EXT1: variants seen among roughly 807,000 people sequenced by gnomAD.
The protein encoded by EXT1 is exostosin glycosyltransferase 1, also known as exostosin-1.
EXT1 carries 20 observed loss-of-function variants against 82.5 expected under a neutral mutation model. That is an observed-to-expected ratio of 0.24 (90% CI 0.17 to 0.35). The LOEUF is 0.35. Among genes scored for constraint, EXT1 ranks in the 10% least tolerant of loss-of-function variants. The pLI, the probability that EXT1 is intolerant of heterozygous loss-of-function variation, is 1.00. For missense variants in EXT1, 757 were observed against 936.5 expected (o/e 0.81, Z 2.50); for synonymous variants, 348 against 350.8 (o/e 0.99, Z 0.09).
chr8:118,095,014 A>C (rs564037130), intron 1 of EXT1, among the ~76,000 whole-genome samples: 14 of 152,312 alleles, frequency 9.2e-5, no homozygotes, highest in African/African-American at 3.1e-4. Flanking sequence ...TACAACACAC[A>C]TGCAGACATA....
At chr8:117,961,712 G>T (rs1814703247) in intron 1 of EXT1, among the ~76,000 whole-genome samples, 1 of 152,170 alleles carries the variant, frequency 6.6e-6, no homozygotes, top group East Asian at 1.9e-4. Flanking sequence ...AATTGCTCTT[G>T]CACCCTAACG....
intron 1 of EXT1, among the ~76,000 whole-genome samples, chr8:118,033,803 A>G (rs1033632236): frequency 3.9e-5 from 6 of 152,228 alleles, no homozygotes; most frequent in Non-Finnish European, 8.8e-5. Flanking sequence ...TATTGAATGA[A>G]AAGTTTGGAT....
rs545673300 is a variant in EXT1 at position 117,822,386 on chromosome 8, G to A, written c.1417+79C>T. On this transcript the variant is annotated intron_variant, in intron 5 of 10. Coordinates refer to ENST00000378204, the MANE Select transcript of EXT1 (RefSeq NM_000127.3). ...AGGGTGTTAGATGGACCCCATTAGA[G>A]TAGAAGAATAAAGGCCTTTAGTTCT... The A allele has an allele frequency of 1.4e-5, 21 of 1,495,144 alleles. No homozygotes were observed. The East Asian group carries it at 2.9e-4, about 21-fold the overall frequency. 92.6% of individuals were successfully genotyped at this position (1,495,144 alleles called of 1,614,324 possible). A position where few individuals can be genotyped will look rare whatever the true frequency, so the allele number is the denominator to read the frequency against.
intron 1 of EXT1, among the ~76,000 whole-genome samples, chr8:117,846,086 G>A (rs553023785): frequency 6.6e-6 from 1 of 152,240 alleles, no homozygotes; most frequent in African/African-American, 2.4e-5. Context: ...AAAGAGGAGA[G>A]GTTTTGCAGC....
intron 10 of EXT1, among the ~76,000 whole-genome samples, chr8:117,801,997 A>G (rs1334859953): frequency 2.6e-5 from 4 of 152,224 alleles, no homozygotes; most frequent in African/African-American, 9.6e-5. Flanking sequence ...GAGTCAACCA[A>G]CATCTATTAG....
At chr8:117,827,096 G>A (rs1812018824) in intron 4 of EXT1, among the ~76,000 whole-genome samples, 1 of 152,180 alleles carries the variant, frequency 6.6e-6, no homozygotes, top group African/African-American at 2.4e-5. Flanking sequence ...ACTGACAAGA[G>A]CACAGCAAAA....
intron 1 of EXT1, among the ~76,000 whole-genome samples, chr8:118,017,589 TG>T (rs1317957104): frequency 6.6e-6 from 1 of 152,196 alleles, no homozygotes; most frequent in Non-Finnish European, 1.5e-5. Flanking sequence ...ATATTTAAAA[TG>T]GGTCCACAGT....
intron 1 of EXT1, among the ~76,000 whole-genome samples, chr8:118,090,778 CAAAAAAAAAAAAAAAAAA>C (rs11318164): frequency 5.5e-4 from 15 of 27,180 alleles, no homozygotes; most frequent in South Asian, 3.2e-3. Flanking sequence ...GATTCTGTCT[CAAAAAAAAAAAAAAAAAA>C]AAAAAAAAAA....
At chr8:117,847,363 TC>T (rs1395743268) in intron 1 of EXT1, among the ~76,000 whole-genome samples, 1 of 152,154 alleles carries the variant, frequency 6.6e-6, no homozygotes, top group Non-Finnish European at 1.5e-5. Context: ...TATTTAGTCT[TC>T]CTTTTGTACA....
At chr8:117,994,275 G>T (rs1815492269) in intron 1 of EXT1, among the ~76,000 whole-genome samples, 1 of 152,108 alleles carries the variant, frequency 6.6e-6, no homozygotes, top group Non-Finnish European at 1.5e-5. Flanking sequence ...ACACATCTCA[G>T]GTTTAAAAGT....
chr8:118,084,460 G>T (rs919069097), intron 1 of EXT1, among the ~76,000 whole-genome samples: 2 of 152,146 alleles, frequency 1.3e-5, no homozygotes, highest in Non-Finnish European at 1.5e-5. Context: ...AGACTGCAGG[G>T]ATCAGATTTT....
At position 117,984,958 on chromosome 8, in the gene EXT1, G is replaced by A. The variant is rs992991156; in HGVS notation, c.962+125127C>T. On this transcript the variant is annotated intron_variant, in intron 1 of 10. Transcript: ENST00000378204. ...TAACACAGTCAGGAACGCTACGGAC[G>A]GGCAGGCATCTCACAGCTCTGACTC... Among the ~76,000 whole-genome samples the A allele has an allele frequency of 5.9e-5, 9 of 152,106 alleles. No individual in the cohort carries two copies. The South Asian group carries it at 1.7e-3, about 28-fold the overall frequency.
intron 10 of EXT1, among the ~76,000 whole-genome samples, chr8:117,800,556 G>A (rs1823151878): frequency 6.6e-6 from 1 of 152,192 alleles, no homozygotes; most frequent in African/African-American, 2.4e-5. Context: ...GGATGAGAAG[G>A]TGAGATTCAG....
At chr8:117,826,871 T>A (rs1341976858) in intron 4 of EXT1, among the ~76,000 whole-genome samples, 1 of 152,200 alleles carries the variant, frequency 6.6e-6, no homozygotes, top group Non-Finnish European at 1.5e-5. Flanking sequence ...GGTTCAGAGA[T>A]GAAAACAGCT....
At chr8:118,043,527 A>C (rs1816568968) in intron 1 of EXT1, among the ~76,000 whole-genome samples, 1 of 152,192 alleles carries the variant, frequency 6.6e-6, no homozygotes, top group Non-Finnish European at 1.5e-5. Flanking sequence ...CACAGCCCAC[A>C]TCACATGAGC....
rs1454980314 is a variant in EXT1 at position 117,862,591 on chromosome 8, T to G, written c.963-25390A>C. On this transcript the variant is annotated intron_variant, in intron 1 of 10. Transcript: ENST00000378204. ...CAGTGTTTACTGAGTGCTCATTCCA[T>G]CCAGGCACTGCTGGAATTGGATGTT... Among the ~76,000 whole-genome samples, 3 of 144,346 alleles carry G rather than the reference T, an allele frequency of 2.1e-5. 1 individual carries two copies. Among genetic ancestry groups the G allele is most frequent in the Non-Finnish European group, 4.7e-5 (3 of 64,462 alleles). 94.7% of individuals were successfully genotyped at this position (144,346 alleles called of 152,430 possible).
intron 1 of EXT1, among the ~76,000 whole-genome samples, chr8:117,921,416 A>C (rs1813852378): frequency 6.6e-6 from 1 of 152,258 alleles, no homozygotes; most frequent in Non-Finnish European, 1.5e-5. Flanking sequence ...TTGATAGAGC[A>C]ACAACAATTT....
At position 117,881,254 on chromosome 8, in the gene EXT1, G is replaced by A. The variant is rs530246005; in HGVS notation, c.963-44053C>T. 4.6e-5 allele frequency among the ~76,000 whole-genome samples: 7 copies of A among 152,252 alleles called. No individual in the cohort carries two copies. The East Asian group carries it at 1.2e-3, about 25-fold the overall frequency. On this transcript the variant is annotated intron_variant, in intron 1 of 10. Transcript: ENST00000378204. ...GAAAAAATGTCACCGTTTAATGGTT[G>A]CAATAGAAATGGTGAGGCCTACAAA...
At chr8:117,994,748 T>C (rs773947879) in intron 1 of EXT1, among the ~76,000 whole-genome samples, 6 of 152,202 alleles carry the variant, frequency 3.9e-5, no homozygotes, top group Non-Finnish European at 4.4e-5. Context: ...TCTAATTTGC[T>C]AGAGAAAATG....
Sources: gnomAD v4.1 joint callset for allele counts (sites outside exome capture counted in the v4.1 genomes callset) on GRCh38, gnomAD v4.1.1 for gene constraint, MANE v1.5 for transcripts, NCBI Gene and HGNC (gene_info 2026-07-23, HGNC 2026-07-21) for gene names.